PNKD: variants seen among roughly 807,000 people sequenced by gnomAD.
PNKD encodes the protein PNKD metallo-beta-lactamase domain containing, also known as probable thioesterase PNKD.
A neutral mutation model predicts 45.3 loss-of-function variants in PNKD; 36 were observed. The ratio of observed to expected loss-of-function variants is 0.80; its 90% CI spans 0.61 to 1.05. PNKD has a LOEUF of 1.05. Ranked by LOEUF, PNKD falls within the 50% of genes least tolerant of loss-of-function variation. The pLI is 0.00. For missense variants in PNKD, 511 were observed against 506.6 expected (o/e 1.01, Z -0.08); for synonymous variants, 197 against 210.1 (o/e 0.94, Z 0.54).
chr2:218,306,689 G>C (rs758762666), intron 2 of PNKD, among the ~76,000 whole-genome samples: 1 of 152,076 alleles, frequency 6.6e-6, no homozygotes, highest in East Asian at 1.9e-4. Context: ...CTCCCTCCCC[G>C]ACAGTTCACC....
chr2:218,283,226 T>C (rs1180341946), intron 2 of PNKD, among the ~76,000 whole-genome samples: 1 of 152,198 alleles, frequency 6.6e-6, no homozygotes, highest in Non-Finnish European at 1.5e-5. Flanking sequence ...CTCAGGGCCA[T>C]AAGCCCCAAA....
At chr2:218,330,852 T>C (rs573636221) in intron 2 of PNKD, among the ~76,000 whole-genome samples, 1 of 152,340 alleles carries the variant, frequency 6.6e-6, no homozygotes, top group East Asian at 1.9e-4. Context: ...TTGCTGACTG[T>C]GCCTGGGAAG....
chr2:218,299,109 T>C (rs918184382), intron 2 of PNKD, among the ~76,000 whole-genome samples: 2 of 151,986 alleles, frequency 1.3e-5, no homozygotes, highest in Non-Finnish European at 2.9e-5. Flanking sequence ...GTTCCTTTAT[T>C]TTATTTATTT....
At chr2:218,295,217 T>C (rs1230669889) in intron 2 of PNKD, among the ~76,000 whole-genome samples, 1 of 152,244 alleles carries the variant, frequency 6.6e-6, no homozygotes, top group Non-Finnish European at 1.5e-5. Flanking sequence ...TTTTTTCTCT[T>C]GGGCCTTATC....
chr2:218,297,997 C>A (rs371291722), intron 2 of PNKD, among the ~76,000 whole-genome samples: 132 of 130,102 alleles, frequency 1.0e-3, no homozygotes, highest in Admixed American at 1.2e-3. Flanking sequence ...GACTCCATCT[C>A]AAAAAAAAAA....
intron 2 of PNKD, chr2:218,281,969 G>A (rs1211384634): frequency 1.9e-6 from 3 of 1,603,618 alleles, no homozygotes; most frequent in Non-Finnish European, 2.6e-6. Context: ...GTGGGTGGGG[G>A]GCATGGGCTG....
chr2:218,296,672 T>G (rs546259760), intron 2 of PNKD, among the ~76,000 whole-genome samples: 1 of 148,416 alleles, frequency 6.7e-6, no homozygotes, highest in South Asian at 2.1e-4. Context: ...TGTTTTTCTT[T>G]TTCTTTCTTT....
At chr2:218,331,835 C>T (rs774692008) in intron 2 of PNKD, among the ~76,000 whole-genome samples, 6 of 152,194 alleles carry the variant, frequency 3.9e-5, no homozygotes, top group Non-Finnish European at 7.3e-5. Flanking sequence ...CATAACAATA[C>T]GTGCTTGAGC....
chr2:218,318,025 T>TCATCATCATCATCAC (rs1553668480), intron 2 of PNKD: 1 of 152,204 alleles, frequency 6.6e-6, no homozygotes, highest in Non-Finnish European at 1.5e-5. Flanking sequence ...ATCATCATCA[T>TCATCATCATCATCAC]CACCACCAGT....
intron 2 of PNKD, among the ~76,000 whole-genome samples, chr2:218,273,151 C>A (rs531553046): frequency 1.9e-3 from 295 of 152,312 alleles, no homozygotes; most frequent in Middle Eastern, 6.8e-3. Flanking sequence ...TCCCGCTCAG[C>A]CTTGAAACAA....
At chr2:218,288,566 C>T (rs1391070452) in intron 2 of PNKD, among the ~76,000 whole-genome samples, 12 of 152,224 alleles carry the variant, frequency 7.9e-5, no homozygotes, top group Non-Finnish European at 1.5e-5. Flanking sequence ...GCTCCACAAT[C>T]TAAAACATTT....
At chr2:218,290,379 A>G (rs1574665467) in intron 2 of PNKD, among the ~76,000 whole-genome samples, 1 of 152,182 alleles carries the variant, frequency 6.6e-6, no homozygotes, top group Non-Finnish European at 1.5e-5. Context: ...TATTACAGAC[A>G]CCCAACCCTG....
chr2:218,309,937 A>G (rs968509991), intron 2 of PNKD, among the ~76,000 whole-genome samples: 2 of 152,030 alleles, frequency 1.3e-5, no homozygotes, highest in African/African-American at 4.8e-5. Flanking sequence ...ACGTCTAAAA[A>G]AAAAAAAAAG....
intron 2 of PNKD, among the ~76,000 whole-genome samples, chr2:218,329,999 A>C (rs1694272128): frequency 8.2e-6 from 1 of 121,526 alleles, no homozygotes; most frequent in South Asian, 2.9e-4. Context: ...GAGGACATGA[A>C]GGGAGAAACC....
chr2:218,287,020 C>G (rs745877990), intron 2 of PNKD, among the ~76,000 whole-genome samples: 1 of 152,104 alleles, frequency 6.6e-6, no homozygotes, highest in Non-Finnish European at 1.5e-5. Flanking sequence ...CTCATAGCCA[C>G]GAGAGCAAAT....
At chr2:218,284,770 GGGT>G (rs1165618523) in intron 2 of PNKD, among the ~76,000 whole-genome samples, 2 of 152,188 alleles carry the variant, frequency 1.3e-5, no homozygotes, top group African/African-American at 4.8e-5. Context: ...ACCCTCCACG[GGGT>G]TGCTATAAAA....
Position 218,315,076 on chromosome 2 carries a change from T to TCC in PNKD, c.237-24707_237-24706insCC, listed in dbSNP as rs57551520. Among the ~76,000 whole-genome samples the TCC allele has an allele frequency of 1.7e-3, 160 of 94,412 alleles. 1 individual carries two copies. The highest frequency in any genetic ancestry group is 0.012 in the Middle Eastern group (2 of 168). 61.9% of individuals were successfully genotyped at this position (94,412 alleles called of 152,430 possible). On this transcript the variant is annotated intron_variant, in intron 2 of 9. Coordinates refer to ENST00000273077, the MANE Select transcript of PNKD (RefSeq NM_015488.5). ...TTTCTTTCTTCCTTCCTTCCTTCCTTTCTTTCTCTCTCTCTCTCTCCTTCC... is the reference window on the plus strand; with the variant it reads ...TTTCTTTCTTCCTTCCTTCCTTCCTTCCTCTTTCTCTCTCTCTCTCTCCTTCC...
chr2:218,309,875 C>A (rs1050510593), intron 2 of PNKD, among the ~76,000 whole-genome samples: 1 of 150,732 alleles, frequency 6.6e-6, no homozygotes, highest in African/African-American at 2.4e-5. Flanking sequence ...GCGGAGGCTG[C>A]GGTGAGCCGA....
At chr2:218,323,872 C>T (rs1194788524) in intron 2 of PNKD, among the ~76,000 whole-genome samples, 1 of 152,166 alleles carries the variant, frequency 6.6e-6, no homozygotes, top group Non-Finnish European at 1.5e-5. Flanking sequence ...CATTTAAAAC[C>T]GCCAACTCCT....
Sources: allele counts gnomAD v4.1 joint callset (sites outside exome capture counted in the v4.1 genomes callset), GRCh38; gene constraint gnomAD v4.1.1; transcripts MANE v1.5; gene names NCBI Gene and HGNC (gene_info 2026-07-23, HGNC 2026-07-21).